The following RASGRF1 variants were observed in gnomAD, a reference collection of about 807,000 sequenced individuals.
RASGRF1 encodes ras-specific guanine nucleotide-releasing factor 1.
Under a neutral mutation model 138.7 loss-of-function variants are expected in RASGRF1, and 40 were observed. The observed-to-expected ratio is 0.29, with a 90% CI of 0.22 to 0.38. The LOEUF is 0.38. Ranked by LOEUF, RASGRF1 falls within the 10% of genes least tolerant of loss-of-function variation. The pLI is 1.00. For missense variants in RASGRF1, 1,108 were observed against 1,650.4 expected (o/e 0.67, Z 5.69); for synonymous variants, 614 against 663.2 (o/e 0.93, Z 1.14).
chr15:79,058,659 A>T (rs534387007), intron 2 of RASGRF1, among the ~76,000 whole-genome samples, 178 bp from the exon 3 acceptor site: 1 of 152,294 alleles, frequency 6.6e-6, no homozygotes, highest in East Asian at 1.9e-4. Flanking sequence ...CAGTCCAGGC[A>T]GGGAGAGAGC....
At chr15:78,988,659 G>A (rs1225452073) in intron 22 of RASGRF1, among the ~76,000 whole-genome samples, 2 of 152,112 alleles carry the variant, frequency 1.3e-5, no homozygotes. Flanking sequence ...AGGGCAAGTG[G>A]AATCATGTGC....
intron 2 of RASGRF1, among the ~76,000 whole-genome samples, chr15:79,059,977 CACACAGACACACAG>C (rs1336454220): frequency 0.067 from 612 of 9,150 alleles, 8 homozygotes; most frequent in African/African-American, 0.22. Flanking sequence ...CACACACACA[CACACAGACACACAG>C]ACACACACAC....
intron 20 of RASGRF1, among the ~76,000 whole-genome samples, chr15:78,995,367 C>T (rs2056370272): frequency 6.8e-6 from 1 of 146,874 alleles, no homozygotes; most frequent in Non-Finnish European, 1.5e-5. Context: ...TGGCTCACTG[C>T]CACCTCCGCC....
At position 79,074,255 on chromosome 15, in the gene RASGRF1, T is replaced by C. The variant is rs921260835; in HGVS notation, c.277-9729A>G. On this transcript the variant is annotated intron_variant, in intron 1 of 26. Transcript: ENST00000558480. ...AGGTGATTCCGTACATGCTCATGCT[T>C]CAAGGGGAACTGATAAGCCCATGGC... 1.1e-3 allele frequency among the ~76,000 whole-genome samples: 175 copies of C among 152,370 alleles called. 1 individual carries two copies. Among genetic ancestry groups the C allele is most frequent in the Non-Finnish European group, 2.0e-3 (136 of 68,024 alleles).
chr15:79,004,182 G>A lies in RASGRF1; in HGVS notation c.2076-7C>T, dbSNP rs747257819. The A allele has an allele frequency of 6.4e-7, 1 of 1,554,342 alleles. No individual in the cohort carries two copies. Among genetic ancestry groups the A allele is most frequent in the Admixed American group, 1.8e-5 (1 of 54,912 alleles). On this transcript the variant is annotated splice_polypyrimidine_tract_variant and splice_region_variant and intron_variant, in intron 14 of 26. Transcript: ENST00000558480. ...AAACAGGAGCTCCAGCGACCTGTGG[G>A]GAGGGCGGGGGTGAAAATGACAGTT...
chr15:79,034,876 A>G (rs1050622179), intron 6 of RASGRF1, among the ~76,000 whole-genome samples: 1 of 152,380 alleles, frequency 6.6e-6, no homozygotes, highest in South Asian at 2.1e-4. Context: ...ATGGGTTCTC[A>G]ATTTTTCTTA....
intron 1 of RASGRF1, among the ~76,000 whole-genome samples, chr15:79,066,843 C>G (rs2141068622): frequency 6.6e-6 from 1 of 152,282 alleles, no homozygotes; most frequent in South Asian, 2.1e-4. Flanking sequence ...TCCTGCAGAC[C>G]AGGCACGGGG....
intron 1 of RASGRF1, among the ~76,000 whole-genome samples, chr15:79,086,897 C>A (rs2057988081): frequency 6.6e-6 from 1 of 152,216 alleles, no homozygotes; most frequent in African/African-American, 2.4e-5. Context: ...AGCTCTAAGT[C>A]AACAGCACTT....
intron 4 of RASGRF1, among the ~76,000 whole-genome samples, chr15:79,047,352 G>A (rs1270777248): frequency 6.6e-6 from 1 of 152,178 alleles, no homozygotes; most frequent in Non-Finnish European, 1.5e-5. Context: ...AGACCCCTGG[G>A]TTGCTTTGGA....
In RASGRF1 at chr15:79,046,665, T is replaced by G. The variant is rs1258642196; in HGVS notation, c.878+81A>C. ...TCATCTGCACTCGGTGGGAACCACG[T>G]GAGAGAGTGTGTCAAAGCTTAGCTG... On this transcript the variant is annotated intron_variant, in intron 5 of 26. Coordinates refer to ENST00000558480, the MANE Select transcript of RASGRF1 (RefSeq NM_001145648.3). The surrounding 1 kb of genome is among the most constrained non-coding windows in gnomAD (Gnocchi z 5.3). 2.7e-5 allele frequency: 42 copies of G among 1,576,442 alleles called. No individual in the cohort carries two copies. The highest frequency in any genetic ancestry group is 3.4e-5 in the Non-Finnish European group (39 of 1,155,146).
chr15:79,070,616 C>T (rs1041627776), intron 1 of RASGRF1, among the ~76,000 whole-genome samples: 1 of 152,180 alleles, frequency 6.6e-6, no homozygotes, highest in Non-Finnish European at 1.5e-5. Flanking sequence ...GAGGTTCTCA[C>T]CTCAGTTTCT....
intron 10 of RASGRF1, among the ~76,000 whole-genome samples, chr15:79,023,286 C>T (rs2056990000): frequency 6.6e-6 from 1 of 152,156 alleles, no homozygotes; most frequent in African/African-American, 2.4e-5. Context: ...GCAAGTGCTT[C>T]CTAATTGACA....
At position 79,081,289 on chromosome 15, in the gene RASGRF1, C is replaced by T. The variant is rs567854716; in HGVS notation, c.276+8934G>A. 2.0e-4 allele frequency among the ~76,000 whole-genome samples: 31 copies of T among 152,346 alleles called. No individual in the cohort carries two copies. The South Asian group carries it at 4.1e-3, about 20-fold the overall frequency. On this transcript the variant is annotated intron_variant, in intron 1 of 26. Coordinates refer to ENST00000558480, the MANE Select transcript of RASGRF1 (RefSeq NM_001145648.3). ...AGCACAGGCTTCAGTGGCTGAGTCA[C>T]GGCTGGGATGGGAGTGGAGGGGAGA...
intron 16 of RASGRF1, among the ~76,000 whole-genome samples, chr15:79,000,930 G>C (rs2056507820): frequency 6.6e-6 from 1 of 152,184 alleles, no homozygotes; most frequent in Admixed American, 6.5e-5. Context: ...GCGGCCCTTT[G>C]CATGTGAGAG....
intron 5 of RASGRF1, among the ~76,000 whole-genome samples, chr15:79,040,926 G>T (rs2057289768): frequency 6.6e-6 from 1 of 152,192 alleles, no homozygotes; most frequent in South Asian, 2.1e-4. Flanking sequence ...CATAGTGATT[G>T]AGTACCTACT....
At chr15:78,998,044 G>A in intron 19 of RASGRF1, 52 bp downstream of exon 19, 1 of 1,506,588 alleles carries the variant, frequency 6.6e-7, no homozygotes, top group Non-Finnish European at 9.2e-7. Flanking sequence ...CAGAAGGCAG[G>A]GCTCCTGTCC....
At chr15:79,087,582 G>T (rs1457310768) in intron 1 of RASGRF1, among the ~76,000 whole-genome samples, 1 of 152,194 alleles carries the variant, frequency 6.6e-6, no homozygotes, top group Non-Finnish European at 1.5e-5. Context: ...CCAGCAGATT[G>T]AGCCAAAGCT....
Position 79,046,944 on chromosome 15 carries a change from T to C in RASGRF1, c.680A>G (p.Gln227Arg), listed in dbSNP as rs2057361703. The C allele has an allele frequency of 6.2e-7, 1 of 1,614,022 alleles. No homozygotes were observed. Among genetic ancestry groups the C allele is most frequent in the Non-Finnish European group, 8.5e-7 (1 of 1,179,966 alleles). The change falls in exon 5 of 27, where the codon CAG (glutamine) becomes CGG (arginine). Residue 227 changes from glutamine (Q) to arginine (R), a missense_variant. Around this residue, in one of 3 missense-constraint regions of RASGRF1, gnomAD observed 253 missense variants for 329.5 expected, o/e 0.77. Coordinates refer to ENST00000558480, the MANE Select transcript of RASGRF1 (RefSeq NM_001145648.3). This position sits in a 1 kb window ranked among gnomAD's most constrained non-coding sequence, Gnocchi z 5.3. ...AGCATGGGGTGACCGGATGTAGTCC[T>C]GGATGATGGTCTTCCACTTCCGCCG... ...LCRRKWKTII[Q>R]DYIRSPHADS...
chr15:79,058,250 T>C, intron 3 of RASGRF1, 84 bp downstream of exon 3: 2 of 1,535,456 alleles, frequency 1.3e-6, no homozygotes, highest in Non-Finnish European at 8.8e-7. Flanking sequence ...TCCCTGCCTG[T>C]CATGTGGCTC....
Sources: allele counts gnomAD v4.1 joint callset (sites outside exome capture counted in the v4.1 genomes callset), GRCh38; gene constraint gnomAD v4.1.1; regional missense constraint gnomAD v4.1.1; non-coding constraint Gnocchi (gnomAD v3.1); transcripts MANE v1.5; gene names NCBI Gene and HGNC (gene_info 2026-07-23, HGNC 2026-07-21).